The following XRCC4 variants were observed in gnomAD, a reference collection of about 807,000 sequenced individuals.
XRCC4 encodes the protein X-ray repair cross complementing 4.
XRCC4 carries 28 observed loss-of-function variants against 39.1 expected under a neutral mutation model. The ratio of observed to expected loss-of-function variants is 0.72; its 90% CI spans 0.53 to 0.98. The LOEUF (loss-of-function observed/expected upper bound fraction) is 0.98. Among genes scored for constraint, XRCC4 ranks in the 50% least tolerant of loss-of-function variants. The probability of loss-of-function intolerance (pLI) is 0.00; values close to 1 mark genes in which losing one functional copy is unlikely to be tolerated. For synonymous variants in XRCC4, 123 were observed against 126.4 expected (o/e 0.97, Z 0.18); for missense variants, 350 against 376.4 (o/e 0.93, Z 0.58).
chr5:83,303,198 G>A (rs1173906410), intron 7 of XRCC4, among the ~76,000 whole-genome samples: 1 of 129,388 alleles, frequency 7.7e-6, no homozygotes, highest in Non-Finnish European at 1.5e-5. Flanking sequence ...AGGAGACAGA[G>A]CAAGACTCCG....
intron 3 of XRCC4, among the ~76,000 whole-genome samples, chr5:83,188,324 A>T (rs1750546219): frequency 6.6e-6 from 1 of 152,060 alleles, no homozygotes; most frequent in Non-Finnish European, 1.5e-5. Flanking sequence ...CTTGCTGGCT[A>T]TGATGGTTAA....
chr5:83,362,294 CAAAAA>C, the XRCC4 span, among the ~76,000 whole-genome samples: 7 of 73,164 alleles, frequency 9.6e-5, no homozygotes, highest in South Asian at 5.4e-4. Flanking sequence ...GCTATTTAGG[CAAAAA>C]AAAAAAAAAA....
chr5:83,282,808 C>T (rs972101057), intron 7 of XRCC4, among the ~76,000 whole-genome samples: 1 of 152,046 alleles, frequency 6.6e-6, no homozygotes, highest in Non-Finnish European at 1.5e-5. Flanking sequence ...CGCCACTGCA[C>T]TCCAGCCTGG....
chr5:83,144,565 C>T (rs1290664933), intron 3 of XRCC4, among the ~76,000 whole-genome samples: 3 of 93,994 alleles, frequency 3.2e-5, no homozygotes, highest in Middle Eastern at 8.8e-3. Flanking sequence ...CCCCCCCCCC[C>T]ACCCCCACGG....
At chr5:83,202,271 TAAG>T (rs904405355) in intron 4 of XRCC4, 4 of 152,212 alleles carry the variant, frequency 2.6e-5, no homozygotes, top group Non-Finnish European at 2.9e-5. Flanking sequence ...GTTTGTCTAA[TAAG>T]AACCTACCAA....
intron 3 of XRCC4, among the ~76,000 whole-genome samples, chr5:83,140,372 A>G (rs573467290): frequency 6.6e-6 from 1 of 152,330 alleles, no homozygotes; most frequent in Admixed American, 6.5e-5. Flanking sequence ...AAGGGCAGGA[A>G]GCATCCAGCA....
chr5:83,167,455 GAAAGA>G (rs1749536010), intron 3 of XRCC4, among the ~76,000 whole-genome samples: 1 of 152,152 alleles, frequency 6.6e-6, no homozygotes, highest in South Asian at 2.1e-4. Context: ...AAATGCTGAG[GAAAGA>G]AAAGGGGAGA....
chr5:83,227,244 C>G (rs1455269437), intron 6 of XRCC4, among the ~76,000 whole-genome samples: 1 of 151,976 alleles, frequency 6.6e-6, no homozygotes, highest in Non-Finnish European at 1.5e-5. Context: ...ACGTAGTATT[C>G]CCTCATTGCA....
At chr5:83,146,705 T>C (rs1748471631) in intron 3 of XRCC4, among the ~76,000 whole-genome samples, 1 of 152,214 alleles carries the variant, frequency 6.6e-6, no homozygotes, top group Non-Finnish European at 1.5e-5. Flanking sequence ...CTACTTTTAC[T>C]ATACCTTACT....
chr5:83,148,642 C>T (rs867993502), intron 3 of XRCC4, among the ~76,000 whole-genome samples: 11 of 152,060 alleles, frequency 7.2e-5, no homozygotes, highest in Non-Finnish European at 8.8e-5. Flanking sequence ...ATATAAAATA[C>T]GTTTTTAAAT....
chr5:83,210,436 C>A (rs1751597490), intron 6 of XRCC4, among the ~76,000 whole-genome samples: 1 of 152,068 alleles, frequency 6.6e-6, no homozygotes, highest in African/African-American at 2.4e-5. Context: ...CTGTATAGTT[C>A]TAGATCCTGT....
intron 3 of XRCC4, among the ~76,000 whole-genome samples, chr5:83,118,844 T>C (rs1051955938): frequency 1.3e-5 from 2 of 152,216 alleles, no homozygotes; most frequent in African/African-American, 4.8e-5. Flanking sequence ...GCTGTTTTTG[T>C]TGCAAGGATG....
chr5:83,276,429 G>T (rs866021724), intron 7 of XRCC4, among the ~76,000 whole-genome samples: 1 of 123,646 alleles, frequency 8.1e-6, no homozygotes, highest in Non-Finnish European at 1.6e-5. Flanking sequence ...CCCTAATGAA[G>T]GGATTAATCC....
intron 3 of XRCC4, among the ~76,000 whole-genome samples, chr5:83,192,153 ATTCT>A (rs1485957556): frequency 4.7e-5 from 7 of 149,884 alleles, no homozygotes; most frequent in African/African-American, 1.2e-4. Flanking sequence ...ACCTACTATG[ATTCT>A]TTATATATAT....
intron 3 of XRCC4, among the ~76,000 whole-genome samples, chr5:83,157,880 A>G (rs1297891644): frequency 1.3e-5 from 2 of 152,130 alleles, no homozygotes; most frequent in African/African-American, 4.8e-5. Flanking sequence ...ATATTAGTGT[A>G]TGAATGAAAA....
intron 7 of XRCC4, among the ~76,000 whole-genome samples, chr5:83,340,043 T>C (rs915603315): frequency 6.6e-6 from 1 of 152,134 alleles, no homozygotes; most frequent in Non-Finnish European, 1.5e-5. Context: ...ATGATTCTAG[T>C]TCAGTTATCT....
At chr5:83,082,960 A>G (rs985271003) in intron 1 of XRCC4, among the ~76,000 whole-genome samples, 3 of 152,122 alleles carry the variant, frequency 2.0e-5, no homozygotes, top group Non-Finnish European at 4.4e-5. Context: ...TACTTCTACC[A>G]CAGGGCCTTT....
At chr5:83,214,679 T>TA in intron 6 of XRCC4, among the ~76,000 whole-genome samples, 1 of 151,314 alleles carries the variant, frequency 6.6e-6, no homozygotes, top group Non-Finnish European at 1.5e-5. Flanking sequence ...AAACAAAAAA[T>TA]ACAAAAAATT....
chr5:83,186,995 G>C (rs1381547661), intron 3 of XRCC4, among the ~76,000 whole-genome samples: 1 of 43,612 alleles, frequency 2.3e-5, no homozygotes, highest in African/African-American at 1.2e-4. Context: ...CCAGGCTGGA[G>C]TGCAGTGGCG....
Sources: gnomAD v4.1 joint callset for allele counts (sites outside exome capture counted in the v4.1 genomes callset) on GRCh38, gnomAD v4.1.1 for gene constraint, MANE v1.5 for transcripts, NCBI Gene and HGNC (gene_info 2026-07-23, HGNC 2026-07-21) for gene names.